The following TNFRSF8 variants were observed in gnomAD, a reference collection of about 807,000 sequenced individuals.
The protein encoded by TNFRSF8 is tumor necrosis factor receptor superfamily member 8.
Under a neutral mutation model 70.8 loss-of-function variants are expected in TNFRSF8, and 26 were observed. The ratio of observed to expected loss-of-function variants is 0.37; its 90% CI spans 0.27 to 0.51. The LOEUF (loss-of-function observed/expected upper bound fraction) is 0.51, where lower values mean the gene tolerates loss of function less well. Among genes scored for constraint, TNFRSF8 ranks in the 20% least tolerant of loss-of-function variants. The probability of loss-of-function intolerance (pLI) is 0.94; values close to 1 mark genes in which losing one functional copy is unlikely to be tolerated. For synonymous variants in TNFRSF8, 356 were observed against 339.2 expected (o/e 1.05, Z -0.54); for missense variants, 720 against 807.9 (o/e 0.89, Z 1.32).
At chr1:12,117,538 G>A (rs1227533669) in intron 8 of TNFRSF8, among the ~76,000 whole-genome samples, 4 of 152,152 alleles carry the variant, frequency 2.6e-5, no homozygotes, top group Non-Finnish European at 5.9e-5. Flanking sequence ...ACCCTGAAAT[G>A]GAGGCTGCCA....
At chr1:12,080,329 C>T (rs186641562) in intron 1 of TNFRSF8, 13 of 524,090 alleles carry the variant, frequency 2.5e-5, no homozygotes, top group African/African-American at 1.2e-4. Context: ...TCTCTCCATC[C>T]GGCCGAATCA....
At chr1:12,097,359 C>T (rs1166506312) in intron 3 of TNFRSF8, 142 bp downstream of exon 3, 1 of 595,106 alleles carries the variant, frequency 1.7e-6, no homozygotes, top group Non-Finnish European at 3.0e-6. Flanking sequence ...CTCAGTTTAC[C>T]TCTCTGCATT....
At chr1:12,083,061 CCAA>C (rs1199581855) in intron 1 of TNFRSF8, among the ~76,000 whole-genome samples, 1 of 151,944 alleles carries the variant, frequency 6.6e-6, no homozygotes, top group Non-Finnish European at 1.5e-5. Flanking sequence ...GAAAAGGTGC[CCAA>C]CAACATTACT....
intron 1 of TNFRSF8, among the ~76,000 whole-genome samples, chr1:12,080,037 C>T (rs1641036825): frequency 6.6e-6 from 1 of 151,216 alleles, no homozygotes. Flanking sequence ...CAACCTCCGC[C>T]TCCTGGGTTC....
intron 12 of TNFRSF8, among the ~76,000 whole-genome samples, chr1:12,130,202 C>T (rs1400091282): frequency 1.3e-5 from 2 of 152,224 alleles, no homozygotes; most frequent in Admixed American, 6.5e-5. Context: ...GCTGCCACCG[C>T]GCCCAGCCCA....
chr1:12,111,449 T>C (rs1388321001), intron 6 of TNFRSF8, among the ~76,000 whole-genome samples: 1 of 152,108 alleles, frequency 6.6e-6, no homozygotes, highest in Non-Finnish European at 1.5e-5. Flanking sequence ...CCCAAAGTGC[T>C]GGGATTACAG....
At chr1:12,137,741 G>C (rs1468326811) in intron 13 of TNFRSF8, among the ~76,000 whole-genome samples, 1 of 151,956 alleles carries the variant, frequency 6.6e-6, no homozygotes, top group Non-Finnish European at 1.5e-5. Context: ...GAGCTGGAGG[G>C]GCTGCTCCAG....
At chr1:12,100,500 TA>T (rs1324660832) in intron 3 of TNFRSF8, among the ~76,000 whole-genome samples, 2 of 152,296 alleles carry the variant, frequency 1.3e-5, no homozygotes, top group East Asian at 3.9e-4. Flanking sequence ...TGTACAAAAA[TA>T]TTTTCTTTAT....
rs111697826 is a variant in TNFRSF8 at position 12,099,846 on chromosome 1, T to C, written c.268+2629T>C. Among the ~76,000 whole-genome samples, 305 of 152,150 alleles carry C rather than the reference T, an allele frequency of 2.0e-3. 1 individual carries two copies. The highest frequency in any genetic ancestry group is 2.7e-3 in the Non-Finnish European group (186 of 68,016). On this transcript the variant is annotated intron_variant, in intron 3 of 14. Coordinates refer to ENST00000263932, the MANE Select transcript of TNFRSF8 (RefSeq NM_001243.5). ...AGCTGTGACACAATGTGAGTATTTG[T>C]GTATCTAAACATAGAAAAGGTGCAA...
In TNFRSF8 at chr1:12,108,792, G is replaced by A. The variant is rs1350475975; in HGVS notation, c.422-774G>A. 1.3e-5 allele frequency among the ~76,000 whole-genome samples: 2 copies of A among 152,128 alleles called. No homozygotes were observed. The highest frequency in any genetic ancestry group is 2.4e-5 in the African/African-American group (1 of 41,428). Reference sequence around the variant, plus strand: ...TGCATCACTGCACTCCAGCCTGGGCGACAGAGTAAGACTCTGTCTCAAATA... The same window carrying A: ...TGCATCACTGCACTCCAGCCTGGGCAACAGAGTAAGACTCTGTCTCAAATA... On this transcript the variant is annotated intron_variant, in intron 4 of 14. Transcript: ENST00000263932. The surrounding 1 kb of genome is among the most constrained non-coding windows in gnomAD (Gnocchi z 4.0).
intron 1 of TNFRSF8, among the ~76,000 whole-genome samples, chr1:12,080,062 C>T (rs571268459): frequency 6.6e-6 from 1 of 151,986 alleles, no homozygotes; most frequent in East Asian, 1.9e-4. Flanking sequence ...GATTCTCCCG[C>T]CTCAGCCTCC....
chr1:12,077,931 A>G (rs1569989186), intron 1 of TNFRSF8: 1 of 151,528 alleles, frequency 6.6e-6, no homozygotes, highest in African/African-American at 2.4e-5. Flanking sequence ...TGCAGGGGCC[A>G]TGCTAATTTC....
At chr1:12,128,111 G>A (rs1260410751) in intron 12 of TNFRSF8, among the ~76,000 whole-genome samples, 1 of 152,244 alleles carries the variant, frequency 6.6e-6, no homozygotes, top group Admixed American at 6.5e-5. Flanking sequence ...AAGGAGGGAA[G>A]GAGCACTGGT....
At position 12,141,032 on chromosome 1, in the gene TNFRSF8, G is replaced by A. The variant is rs1337335758; in HGVS notation, c.1544-1255G>A. Among the ~76,000 whole-genome samples the A allele has an allele frequency of 6.6e-6, 1 of 152,082 alleles. No homozygotes were observed. Among genetic ancestry groups the A allele is most frequent in the Non-Finnish European group, 1.5e-5 (1 of 68,000 alleles). On this transcript the variant is annotated intron_variant, in intron 14 of 14. Coordinates refer to ENST00000263932, the MANE Select transcript of TNFRSF8 (RefSeq NM_001243.5). This position sits in a 1 kb window ranked among gnomAD's most constrained non-coding sequence, Gnocchi z 5.4. Reference sequence around the variant, plus strand: ...GGGCGCCCAGCCCATAGCCTGTCCCGCACTCTGGGCCTTCTCCTCTTGCTG... The same window carrying A: ...GGGCGCCCAGCCCATAGCCTGTCCCACACTCTGGGCCTTCTCCTCTTGCTG...
intron 12 of TNFRSF8, among the ~76,000 whole-genome samples, chr1:12,131,182 G>A (rs976155030): frequency 6.6e-5 from 10 of 152,108 alleles, no homozygotes; most frequent in African/African-American, 2.4e-4. Context: ...AGGTGTAGTG[G>A]CTCACACCTG....
intron 10 of TNFRSF8, among the ~76,000 whole-genome samples, chr1:12,124,296 A>T (rs1291105862): frequency 1.3e-5 from 2 of 152,170 alleles, no homozygotes; most frequent in Non-Finnish European, 2.9e-5. Flanking sequence ...GGTGTGAACC[A>T]CTGCGCCTGG....
At chr1:12,118,906 C>T (rs1641782568) in intron 8 of TNFRSF8, among the ~76,000 whole-genome samples, 1 of 152,088 alleles carries the variant, frequency 6.6e-6, no homozygotes, top group Non-Finnish European at 1.5e-5. Flanking sequence ...ACTCTGTCGC[C>T]CAGGCTGGAG....
chr1:12,121,392 G>A (rs532596050), intron 8 of TNFRSF8, among the ~76,000 whole-genome samples: 2 of 152,328 alleles, frequency 1.3e-5, no homozygotes, highest in Admixed American at 1.3e-4. Context: ...GGGTTGCTTT[G>A]TACCACATCA....
rs963854431 is a variant in TNFRSF8, at chr1:12,088,656, G to C, written c.151+4105G>C. On this transcript the variant is annotated intron_variant, in intron 2 of 14. Coordinates refer to ENST00000263932, the MANE Select transcript of TNFRSF8 (RefSeq NM_001243.5). This position sits in a 1 kb window ranked among gnomAD's most constrained non-coding sequence, Gnocchi z 4.0. The stretch of plus-strand genomic sequence containing the variant: ...CCTGCAGATGTTTGAGGCCTGCCCA[G>C]GTTCAGGGGAAGGATGTGAGGCCAG... Among the ~76,000 whole-genome samples, 2 of 152,240 alleles carry C rather than the reference G, an allele frequency of 1.3e-5. No homozygotes were observed. The highest frequency in any genetic ancestry group is 2.9e-5 in the Non-Finnish European group (2 of 68,038).
Sources: allele counts gnomAD v4.1 joint callset (sites outside exome capture counted in the v4.1 genomes callset), GRCh38; gene constraint gnomAD v4.1.1; non-coding constraint Gnocchi (gnomAD v3.1); transcripts MANE v1.5; gene names NCBI Gene and HGNC (gene_info 2026-07-23, HGNC 2026-07-21).